Variants in CFAP221 observed in about 807,000 individuals in gnomAD.
The protein encoded by CFAP221 is cilia and flagella associated protein 221.
A neutral mutation model predicts 113.1 loss-of-function variants in CFAP221; 97 were observed. The observed-to-expected ratio is 0.86, with a 90% CI of 0.73 to 1.02. The LOEUF (loss-of-function observed/expected upper bound fraction) is 1.02, where lower values mean the gene tolerates loss of function less well. CFAP221 is among the 50% of genes least tolerant of loss of function. The pLI is 0.00. For synonymous variants in CFAP221, 331 were observed against 354.4 expected, an observed-to-expected ratio of 0.93 and a Z score of 0.74; for missense variants, 1,025 against 1,013.4, an observed-to-expected ratio of 1.01 and a Z score of -0.16.
In CFAP221 at chr2:119,604,432, C is replaced by CA. The variant is rs1377204390; in HGVS notation, c.792-231dup. ...CTGGTGACAGAGTGAGACTCCATCTCAAAAAAAAAGAATGTAAGGCAAAAA... is the reference window on the plus strand; with the variant it reads ...CTGGTGACAGAGTGAGACTCCATCTCAAAAAAAAAAGAATGTAAGGCAAAAA... On this transcript the variant is annotated intron_variant, in intron 8 of 23. Coordinates refer to ENST00000413369, the MANE Select transcript of CFAP221 (RefSeq NM_001271049.2). Among the ~76,000 whole-genome samples, 22 of 147,818 alleles carry CA rather than the reference C, an allele frequency of 1.5e-4. No individual in the cohort carries two copies. In the South Asian group the frequency reaches 2.8e-3, roughly 19 times the overall value.
intron 19 of CFAP221, among the ~76,000 whole-genome samples, chr2:119,633,703 T>C (rs1358502835): frequency 7.5e-6 from 1 of 133,248 alleles, no homozygotes; most frequent in African/African-American, 2.8e-5. Flanking sequence ...AGAAGACTTA[T>C]AAATGGCCAA....
Position 119,546,239 on chromosome 2 carries a change from A to T in CFAP221, c.108A>T (p.Arg36Ser), listed in dbSNP as rs571870921. ...ACCTAGTGGAGGAGCCGAAAAAAAGAAAAGAAGTACCTAATCACCTCCTAG... is the reference window on the plus strand; with the variant it reads ...ACCTAGTGGAGGAGCCGAAAAAAAGTAAAGAAGTACCTAATCACCTCCTAG... ...LKNLVEEPKK[R>S]KEVPNHLLES... The change falls in exon 2 of 24, where the codon AGA (arginine) becomes AGT (serine). Residue 36 changes from arginine to serine, a missense_variant. Arg to Ser is a moderately radical substitution (Grantham distance 110). Coordinates refer to ENST00000413369, the MANE Select transcript of CFAP221 (RefSeq NM_001271049.2). 1 of 1,535,840 alleles carries T rather than the reference A, an allele frequency of 6.5e-7. No individual in the cohort carries two copies. Among genetic ancestry groups the T allele is most frequent in the Admixed American group, 2.0e-5 (1 of 50,974 alleles).
chr2:119,647,777 C>G (rs1169533348), intron 22 of CFAP221, among the ~76,000 whole-genome samples: 1 of 152,198 alleles, frequency 6.6e-6, no homozygotes, highest in Non-Finnish European at 1.5e-5. Context: ...TGTTTTAAAG[C>G]AGATACTTTC....
chr2:119,585,386 T>C (rs1354006596), intron 6 of CFAP221, among the ~76,000 whole-genome samples: 1 of 152,232 alleles, frequency 6.6e-6, no homozygotes, highest in African/African-American at 2.4e-5. Context: ...GTTCATAGTT[T>C]GGAACAGATT....
chr2:119,606,194 G>T (rs1568542), intron 11 of CFAP221, among the ~76,000 whole-genome samples: 142,611 of 151,470 alleles, frequency 0.94, 67,533 homozygotes, highest in South Asian at 0.99. Context: ...TAGAGATGGG[G>T]TCTCACTATG....
At position 119,630,816 on chromosome 2, in the gene CFAP221, A is replaced by G. The variant is rs531056150; in HGVS notation, c.1889A>G (p.Gln630Arg). Residue 630 changes from glutamine to arginine, a missense_variant, in exon 19 of 24, where the codon CAG (glutamine) becomes CGG (arginine). Gln to Arg is a conservative substitution (Grantham distance 43). Transcript: ENST00000413369. The part of the protein sequence containing the change: ...TALPKQDSTT[Q>R]LSGKTSVLSM... ...CTTCCGAAACAGGACTCCACAACTCAGCTCTCTGGCAAAACATCAGTCTTG... is the reference window on the plus strand; with the variant it reads ...CTTCCGAAACAGGACTCCACAACTCGGCTCTCTGGCAAAACATCAGTCTTG... 1.9e-6 allele frequency: 3 copies of G among 1,613,872 alleles called. No homozygotes were observed. Among genetic ancestry groups the G allele is most frequent in the East Asian group, 4.5e-5 (2 of 44,886 alleles).
intron 2 of CFAP221, among the ~76,000 whole-genome samples, chr2:119,548,154 T>C (rs1383200987): frequency 6.6e-6 from 1 of 151,996 alleles, no homozygotes; most frequent in East Asian, 1.9e-4. Context: ...TGCAGAGACA[T>C]GGTCTCACTG....
intron 7 of CFAP221, among the ~76,000 whole-genome samples, chr2:119,594,621 T>C (rs551632426): frequency 6.6e-6 from 1 of 152,322 alleles, no homozygotes; most frequent in South Asian, 2.1e-4. Flanking sequence ...TTTTGCAGTT[T>C]ATATGCACAG....
At chr2:119,635,981 A>G (rs776866289) in intron 19 of CFAP221, among the ~76,000 whole-genome samples, 1 of 152,238 alleles carries the variant, frequency 6.6e-6, no homozygotes, top group Non-Finnish European at 1.5e-5. Flanking sequence ...GAACATCAGT[A>G]TGTGCTCCAA....
chr2:119,589,214 T>C (rs1238122869), intron 7 of CFAP221, among the ~76,000 whole-genome samples: 1 of 152,234 alleles, frequency 6.6e-6, no homozygotes, highest in Admixed American at 6.5e-5. Flanking sequence ...ACGTTCTTGG[T>C]TTGGTTTCCC....
At chr2:119,621,899 G>A (rs1224586909) in intron 14 of CFAP221, among the ~76,000 whole-genome samples, 1 of 151,926 alleles carries the variant, frequency 6.6e-6, no homozygotes, top group Admixed American at 6.6e-5. Context: ...TGTTTAGAGG[G>A]AAATTTATAG....
At position 119,560,418 on chromosome 2, in the gene CFAP221, A is replaced by G. The variant is rs549442696; in HGVS notation, c.426+392A>G. ...CAAGTTATGATTATAAACACCAGCC[A>G]CTGGCCTATGCCTGGGAATGTCTGC... On this transcript the variant is annotated intron_variant, in intron 5 of 23. Coordinates refer to ENST00000413369, the MANE Select transcript of CFAP221 (RefSeq NM_001271049.2). Among the ~76,000 whole-genome samples the G allele has an allele frequency of 2.6e-5, 4 of 152,212 alleles. No homozygotes were observed. In the East Asian group the frequency reaches 7.7e-4, roughly 29 times the overall value.
chr2:119,571,225 C>T (rs112662370), intron 6 of CFAP221, among the ~76,000 whole-genome samples: 18,760 of 149,368 alleles, frequency 0.13, 1,218 homozygotes, highest in Middle Eastern at 0.17. Flanking sequence ...ACTCAACCTC[C>T]GCCTCCCGGG....
intron 14 of CFAP221, among the ~76,000 whole-genome samples, chr2:119,624,427 G>C (rs1296400753): frequency 1.3e-5 from 2 of 152,208 alleles, no homozygotes; most frequent in Non-Finnish European, 2.9e-5. Context: ...TGGTGGGCCT[G>C]TAAATTAGTT....
intron 6 of CFAP221, among the ~76,000 whole-genome samples, chr2:119,576,424 A>G (rs1682447762): frequency 6.6e-6 from 1 of 152,256 alleles, no homozygotes; most frequent in Non-Finnish European, 1.5e-5. Context: ...CTCATCATTC[A>G]GCTCTCACTT....
intron 6 of CFAP221, among the ~76,000 whole-genome samples, chr2:119,583,509 CAGAT>C (rs924349119): frequency 6.1e-5 from 9 of 148,646 alleles, no homozygotes; most frequent in Non-Finnish European, 1.2e-4. Flanking sequence ...AGGAAATCTA[CAGAT>C]AAACTTTTAC....
downstream of CFAP221, chr2:119,656,696 C>T: frequency 5.8e-6 from 2 of 343,112 alleles, no homozygotes; most frequent in African/African-American, 2.1e-5. Flanking sequence ...GTGTTTAGTG[C>T]CGGAATGCTT....
intron 7 of CFAP221, among the ~76,000 whole-genome samples, chr2:119,596,049 T>C (rs1683945534): frequency 6.6e-6 from 1 of 151,516 alleles, no homozygotes; most frequent in East Asian, 2.0e-4. Flanking sequence ...GGAGGGTGGG[T>C]ATTAGGATTG....
chr2:119,577,954 G>A (rs777515262), intron 6 of CFAP221, among the ~76,000 whole-genome samples: 1 of 152,216 alleles, frequency 6.6e-6, no homozygotes, highest in African/African-American at 2.4e-5. Context: ...GCCTGATGGG[G>A]AGTGCTCCTC....
Sources: allele counts gnomAD v4.1 joint callset (sites outside exome capture counted in the v4.1 genomes callset), GRCh38; gene constraint gnomAD v4.1.1; transcripts MANE v1.5; gene names NCBI Gene and HGNC (gene_info 2026-07-23, HGNC 2026-07-21).